The following GALK2 variants were observed in gnomAD, a reference collection of about 807,000 sequenced individuals.
GALK2 encodes the protein galactokinase 2.
Under a neutral mutation model 52.4 loss-of-function variants are expected in GALK2, and 36 were observed. The ratio of observed to expected loss-of-function variants is 0.69; its 90% confidence interval spans 0.53 to 0.91. The LOEUF (loss-of-function observed/expected upper bound fraction) is 0.91. Among genes scored for constraint, GALK2 ranks in the 40% least tolerant of loss-of-function variants. The probability of loss-of-function intolerance (pLI) is 0.00; values close to 1 mark genes in which losing one functional copy is unlikely to be tolerated. For synonymous variants in GALK2, 176 were observed against 199.1 expected (o/e 0.88, Z 0.98); for missense variants, 579 against 559.1 (o/e 1.04, Z -0.36).
chr15:49,265,277 C>T (rs185586674), intron 5 of GALK2, among the ~76,000 whole-genome samples: 36 of 152,340 alleles, frequency 2.4e-4, no homozygotes, highest in South Asian at 8.3e-4. Flanking sequence ...TGGGCAATGG[C>T]GCGCGCCCTC....
At chr15:49,205,500 A>G (rs894169265) in intron 2 of GALK2, among the ~76,000 whole-genome samples, 24 of 152,008 alleles carry the variant, frequency 1.6e-4, no homozygotes, top group Admixed American at 1.1e-3. Context: ...GCATTTTTCC[A>G]TATGTTTGTT....
At chr15:49,222,577 G>C (rs978481968) in intron 3 of GALK2, among the ~76,000 whole-genome samples, 1 of 152,132 alleles carries the variant, frequency 6.6e-6, no homozygotes, top group African/African-American at 2.4e-5. Context: ...TTCTATGCCT[G>C]ATAATTGAGA....
intron 1 of GALK2, among the ~76,000 whole-genome samples, chr15:49,184,556 T>C (rs1014467056): frequency 6.6e-6 from 1 of 152,226 alleles, no homozygotes; most frequent in African/African-American, 2.4e-5. Context: ...TCTTCCTTCC[T>C]TCCTGTCTTG....
chr15:49,319,234 G>A (rs1217324311), intron 8 of GALK2: 1 of 351,182 alleles, frequency 2.8e-6, no homozygotes, highest in Non-Finnish European at 5.5e-6. Flanking sequence ...GATTACGGAT[G>A]TGAGCTACCG....
intron 8 of GALK2, among the ~76,000 whole-genome samples, chr15:49,294,686 C>G (rs1231760233): frequency 1.3e-5 from 2 of 152,106 alleles, no homozygotes; most frequent in African/African-American, 4.8e-5. Flanking sequence ...TTTATAGTGA[C>G]TTAGTGTCTA....
intron 3 of GALK2, among the ~76,000 whole-genome samples, chr15:49,342,137 T>G (rs984911599): frequency 6.6e-6 from 1 of 152,190 alleles, no homozygotes; most frequent in African/African-American, 2.4e-5. Flanking sequence ...GGTGTTGAAG[T>G]TCCCCGTCCC....
chr15:49,262,602 C>T lies in GALK2; in HGVS notation c.505-19385C>T, dbSNP rs528988822. 2.4e-3 allele frequency among the ~76,000 whole-genome samples: 371 copies of T among 151,882 alleles called. 2 individuals are homozygous for T. The highest frequency in any genetic ancestry group is 8.2e-3 in the African/African-American group (338 of 41,334). On this transcript the variant is annotated intron_variant, in intron 5 of 9. Transcript: ENST00000560031. ...GCTCTGATTTTAGTTATTTCTTGCCCTCTGCTAGCTTTTGAATGTGTTTGC... is the reference window on the plus strand; with the variant it reads ...GCTCTGATTTTAGTTATTTCTTGCCTTCTGCTAGCTTTTGAATGTGTTTGC...
intron 1 of GALK2, among the ~76,000 whole-genome samples, chr15:49,191,153 C>T (rs192015876): frequency 4.9e-4 from 74 of 152,006 alleles, no homozygotes; most frequent in African/African-American, 1.5e-3. Flanking sequence ...AAAAGTGGAT[C>T]GGTCATTTTA....
At chr15:49,352,131 C>T (rs771162430) in intron 3 of GALK2, among the ~76,000 whole-genome samples, 16 of 152,262 alleles carry the variant, frequency 1.1e-4, no homozygotes, top group Non-Finnish European at 2.1e-4. Context: ...AACTGGAACA[C>T]AGACTCTCCA....
intron 2 of GALK2, among the ~76,000 whole-genome samples, chr15:49,215,710 C>T (rs1241330735): frequency 6.6e-6 from 1 of 152,246 alleles, no homozygotes. Context: ...GGACATACAT[C>T]TCCATCTTTC....
At chr15:49,257,936 TATTTA>T (rs2091885163) in intron 5 of GALK2, among the ~76,000 whole-genome samples, 1 of 149,418 alleles carries the variant, frequency 6.7e-6, no homozygotes, top group Non-Finnish European at 1.5e-5. Flanking sequence ...AATAACATTT[TATTTA>T]ATTTTAATTA....
chr15:49,358,600 A>G (rs1365213335), intron 3 of GALK2, among the ~76,000 whole-genome samples: 1 of 149,438 alleles, frequency 6.7e-6, no homozygotes, highest in Non-Finnish European at 1.5e-5. Context: ...ATACAAACAA[A>G]TGGAAGAACA....
chr15:49,246,567 A>C (rs2091361409), intron 5 of GALK2, among the ~76,000 whole-genome samples: 1 of 152,140 alleles, frequency 6.6e-6, no homozygotes, highest in African/African-American at 2.4e-5. Context: ...GCCAGCTGGG[A>C]ATAGTGGGGT....
At chr15:49,257,546 G>A (rs150681168) in intron 5 of GALK2, among the ~76,000 whole-genome samples, 4 of 152,230 alleles carry the variant, frequency 2.6e-5, no homozygotes, top group African/African-American at 2.4e-5. Flanking sequence ...GCATTACATA[G>A]CTATTATAAC....
chr15:49,175,211 CAGTT>C (rs938543364), intron 1 of GALK2, among the ~76,000 whole-genome samples: 2 of 152,154 alleles, frequency 1.3e-5, no homozygotes, highest in Non-Finnish European at 2.9e-5. Flanking sequence ...GACACAAAGA[CAGTT>C]AGTGCACAGC....
Position 49,329,741 on chromosome 15 carries a change from C to T in GALK2, c.*1582C>T. The T allele has an allele frequency of 1.0e-6, 1 of 972,830 alleles. No homozygotes were observed. The highest frequency in any genetic ancestry group is 1.8e-5 in the African/African-American group (1 of 56,708). The allele number at this position is 972,830 out of a possible 1,614,324, so 60.3% of individuals were successfully genotyped here. A position where few individuals can be genotyped will look rare whatever the true frequency, so the allele number is the denominator to read the frequency against. ...ATTTATAATCCTTTATTTTTTAATA[C>T]CGTGCCATTTTCCACAAAGGATTTG... On this transcript the variant is annotated 3_prime_UTR_variant, in exon 10 of 10. Transcript: ENST00000560031.
intron 8 of GALK2, among the ~76,000 whole-genome samples, chr15:49,305,848 T>C (rs758443119): frequency 6.6e-6 from 1 of 152,266 alleles, no homozygotes; most frequent in Non-Finnish European, 1.5e-5. Flanking sequence ...CACACCTGTG[T>C]GCATTCACTT....
chr15:49,189,025 C>T (rs540291752), intron 1 of GALK2, among the ~76,000 whole-genome samples: 13 of 152,276 alleles, frequency 8.5e-5, no homozygotes, highest in East Asian at 3.9e-4. Flanking sequence ...GACTTCCTTA[C>T]CATGCAGGCT....
At chr15:49,318,151 C>A (rs887191507) in intron 8 of GALK2, 1 of 151,970 alleles carries the variant, frequency 6.6e-6, no homozygotes, top group African/African-American at 2.4e-5. Context: ...TTTCCCAGAC[C>A]CACCACACCA....
Sources: gnomAD v4.1 joint callset for allele counts (sites outside exome capture counted in the v4.1 genomes callset) on GRCh38, gnomAD v4.1.1 for gene constraint, MANE v1.5 for transcripts, NCBI Gene and HGNC (gene_info 2026-07-23, HGNC 2026-07-21) for gene names.